MBOAT1: variants seen among roughly 807,000 people sequenced by gnomAD.
MBOAT1 encodes membrane-bound glycerophospholipid O-acyltransferase 1.
Under a neutral mutation model 64.4 loss-of-function variants are expected in MBOAT1, and 67 were observed. That is an observed-to-expected ratio of 1.04 (90% confidence interval 0.85 to 1.27). MBOAT1 has a LOEUF of 1.27. Ranked by LOEUF, MBOAT1 falls within the 50% of genes most tolerant of loss-of-function variation. The pLI, the probability that MBOAT1 is intolerant of heterozygous loss-of-function variation, is 0.00. For missense variants in MBOAT1, 563 were observed against 604.6 expected, an observed-to-expected ratio of 0.93 and a Z score of 0.72; for synonymous variants, 229 against 218.9, an observed-to-expected ratio of 1.05 and a Z score of -0.41.
intron 12 of MBOAT1, among the ~76,000 whole-genome samples, chr6:20,102,949 TG>T (rs1759845019): frequency 6.6e-6 from 1 of 152,254 alleles, no homozygotes. Flanking sequence ...AACAATAGTA[TG>T]CTGCCAGTTG....
At chr6:20,167,282 T>C (rs1762041979) in intron 1 of MBOAT1, among the ~76,000 whole-genome samples, 1 of 152,232 alleles carries the variant, frequency 6.6e-6, no homozygotes, top group Admixed American at 6.5e-5. Context: ...GATAAATTCC[T>C]AGCTTGATCT....
At chr6:20,185,186 G>T (rs1762617070) in intron 1 of MBOAT1, among the ~76,000 whole-genome samples, 2 of 152,014 alleles carry the variant, frequency 1.3e-5, no homozygotes, top group African/African-American at 2.4e-5. Context: ...GGGGTTTGAG[G>T]CTACAGTGAG....
At chr6:20,180,504 C>T (rs114813959) in intron 1 of MBOAT1, among the ~76,000 whole-genome samples, 2,174 of 152,246 alleles carry the variant, frequency 0.014, 57 homozygotes, top group African/African-American at 0.049. Context: ...TCGGACAGCT[C>T]GCTAACCCCT....
At chr6:20,178,241 A>G (rs1395371802) in intron 1 of MBOAT1, among the ~76,000 whole-genome samples, 2 of 152,024 alleles carry the variant, frequency 1.3e-5, no homozygotes, top group Admixed American at 6.6e-5. Context: ...GTTTTTTTCT[A>G]TTTCTGTTTT....
intron 1 of MBOAT1, among the ~76,000 whole-genome samples, chr6:20,158,155 C>CA (rs759202735): frequency 3.2e-4 from 15 of 46,256 alleles, no homozygotes; most frequent in Non-Finnish European, 5.6e-4. Context: ...GACTCTGACT[C>CA]AAAAAAAAAA....
chr6:20,187,337 T>C (rs1167873817), intron 1 of MBOAT1, among the ~76,000 whole-genome samples: 2 of 152,248 alleles, frequency 1.3e-5, no homozygotes, highest in East Asian at 3.8e-4. Context: ...AAAAGGATTA[T>C]TATTAGGATA....
At position 20,118,441 on chromosome 6, in the gene MBOAT1, A is replaced by G. The variant is rs147981127; in HGVS notation, c.1007T>C (p.Ile336Thr). 1,190 of 1,613,522 alleles carry G rather than the reference A, an allele frequency of 7.4e-4. 1 individual carries two copies. Among genetic ancestry groups the G allele is most frequent in the Non-Finnish European group, 9.3e-4 (1,099 of 1,179,632 alleles). ...GACTTAAAAGCATACACTCACCTCA[A>G]TTTTCCAGATGTTTAGGTTCGAAAG... ...DLLSNLNIWKIETATSFKMYL... is the reference protein window; with the variant it reads ...DLLSNLNIWKTETATSFKMYL... The change falls in exon 9 of 13, where the codon ATT becomes ACT. Residue 336 changes from isoleucine to threonine, a missense_variant. Coordinates refer to ENST00000324607, the MANE Select transcript of MBOAT1 (RefSeq NM_001080480.3).
chr6:20,123,873 T>A (rs574781351), intron 8 of MBOAT1, among the ~76,000 whole-genome samples: 21 of 152,050 alleles, frequency 1.4e-4, no homozygotes, highest in South Asian at 4.2e-4. Flanking sequence ...TGGCTAACAC[T>A]GTGAAACCCC....
intron 12 of MBOAT1, among the ~76,000 whole-genome samples, chr6:20,105,414 A>G (rs1759920239): frequency 6.6e-6 from 1 of 152,218 alleles, no homozygotes; most frequent in Non-Finnish European, 1.5e-5. Context: ...ATAAAGATGA[A>G]TTAGGCAGGG....
intron 3 of MBOAT1, among the ~76,000 whole-genome samples, chr6:20,147,181 C>CT (rs1211906405): frequency 1.3e-5 from 2 of 152,232 alleles, no homozygotes; most frequent in African/African-American, 2.4e-5. Context: ...CACTAAACTT[C>CT]TTTTTGTATA....
rs563652820 is a variant in MBOAT1, at chr6:20,142,892, T to G, written c.419+1328A>C. Among the ~76,000 whole-genome samples the G allele has an allele frequency of 6.6e-5, 10 of 152,258 alleles. No individual in the cohort carries two copies. The East Asian group carries it at 1.7e-3, about 26-fold the overall frequency. ...CCTGAGGGTAAGAAGAACTTATGCA[T>G]GAAAAACCAGTCTGAGACCAAACCA... On this transcript the variant is annotated intron_variant, in intron 4 of 12. Coordinates refer to ENST00000324607, the MANE Select transcript of MBOAT1 (RefSeq NM_001080480.3).
In MBOAT1 at chr6:20,099,951, T is replaced by C. The variant is rs892038985; in HGVS notation, c.*2335A>G. Among the ~76,000 whole-genome samples, 4 of 152,234 alleles carry C rather than the reference T, an allele frequency of 2.6e-5. No homozygotes were observed. The highest frequency in any genetic ancestry group is 9.6e-5 in the African/African-American group (4 of 41,464). ...TATACAGAATAAAGCCTCATGTTTG[T>C]GTCCCAGGGCCTAACACCAAGTCTG... On this transcript the variant is annotated 3_prime_UTR_variant, in exon 13 of 13. Coordinates refer to ENST00000324607, the MANE Select transcript of MBOAT1 (RefSeq NM_001080480.3).
intron 1 of MBOAT1, among the ~76,000 whole-genome samples, chr6:20,186,016 T>TA (rs916457153): frequency 6.6e-6 from 1 of 151,902 alleles, no homozygotes; most frequent in Non-Finnish European, 1.5e-5. Flanking sequence ...ACCTTGCCTC[T>TA]AAAAAAAATA....
intron 8 of MBOAT1, among the ~76,000 whole-genome samples, chr6:20,121,098 A>G (rs1760480119): frequency 6.6e-6 from 1 of 152,252 alleles, no homozygotes; most frequent in South Asian, 2.1e-4. Context: ...CACTAAGTCC[A>G]AAAGAAATAG....
chr6:20,183,308 T>C (rs1388320064), intron 1 of MBOAT1, among the ~76,000 whole-genome samples: 4 of 152,238 alleles, frequency 2.6e-5, no homozygotes. Flanking sequence ...ACTAAGACTA[T>C]GTGAGGATAT....
At chr6:20,127,395 C>A (rs1211860170) in intron 6 of MBOAT1, among the ~76,000 whole-genome samples, 2 of 152,216 alleles carry the variant, frequency 1.3e-5, no homozygotes, top group Non-Finnish European at 2.9e-5. Flanking sequence ...GGATTCCCAA[C>A]CCCTGGGGCT....
chr6:20,116,686 T>C (rs1760329136), intron 9 of MBOAT1, among the ~76,000 whole-genome samples: 1 of 152,238 alleles, frequency 6.6e-6, no homozygotes, highest in African/African-American at 2.4e-5. Flanking sequence ...TCCTTGTTTT[T>C]CTTTAGCTCC....
intron 11 of MBOAT1, 36 bp from the exon 12 acceptor site, chr6:20,109,785 G>T: frequency 1.3e-6 from 2 of 1,592,360 alleles, no homozygotes; most frequent in South Asian, 1.1e-5. Flanking sequence ...GTGAGGAGGG[G>T]GTGAAAAACA....
chr6:20,168,852 G>A (rs1230629323), intron 1 of MBOAT1, among the ~76,000 whole-genome samples: 1 of 148,172 alleles, frequency 6.7e-6, no homozygotes. Context: ...AGAGGGGAGT[G>A]TATTTGGTTG....
Sources: allele counts gnomAD v4.1 joint callset (sites outside exome capture counted in the v4.1 genomes callset), GRCh38; gene constraint gnomAD v4.1.1; transcripts MANE v1.5; gene names NCBI Gene and HGNC (gene_info 2026-07-23, HGNC 2026-07-21).